Variants in DLG2 observed in about 807,000 individuals in gnomAD.
DLG2 encodes the protein discs large MAGUK scaffold protein 2, also known as disks large homolog 2.
Under a neutral mutation model 132.5 loss-of-function variants are expected in DLG2, and 45 were observed. The observed-to-expected ratio is 0.34, with a 90% CI of 0.27 to 0.44. The LOEUF (loss-of-function observed/expected upper bound fraction) is 0.44, where lower values mean the gene tolerates loss of function less well. Ranked by LOEUF, DLG2 falls within the 20% of genes least tolerant of loss-of-function variation. The probability of loss-of-function intolerance (pLI) is 1.00; values close to 1 mark genes in which losing one functional copy is unlikely to be tolerated. For synonymous variants in DLG2, 424 were observed against 419.6 expected (o/e 1.01, Z -0.13); for missense variants, 1,045 against 1,196.9 (o/e 0.87, Z 1.87).
intron 7 of DLG2, among the ~76,000 whole-genome samples, chr11:84,308,016 C>T (rs893457966): frequency 2.0e-5 from 3 of 152,160 alleles, no homozygotes; most frequent in African/African-American, 7.2e-5. Context: ...AAAGAGTGAG[C>T]AGCAGCAAGA....
At chr11:84,951,380 T>C (rs1318094905) in intron 6 of DLG2, among the ~76,000 whole-genome samples, 1 of 152,146 alleles carries the variant, frequency 6.6e-6, no homozygotes. Context: ...TTTAGGATAA[T>C]AGCAACTACT....
chr11:83,784,912 T>G (rs1371975373), intron 18 of DLG2, among the ~76,000 whole-genome samples: 1 of 152,142 alleles, frequency 6.6e-6, no homozygotes, highest in Non-Finnish European at 1.5e-5. Context: ...CAGGCGATGG[T>G]GAAGGACATA....
chr11:85,410,426 GC>G (rs1431518704), intron 3 of DLG2, among the ~76,000 whole-genome samples: 1 of 151,646 alleles, frequency 6.6e-6, no homozygotes, highest in Non-Finnish European at 1.5e-5. Context: ...AGAAAAAGGT[GC>G]CCCTTTCTCA....
At chr11:84,746,948 A>T (rs981644471) in intron 6 of DLG2, among the ~76,000 whole-genome samples, 3 of 152,150 alleles carry the variant, frequency 2.0e-5, no homozygotes, top group Non-Finnish European at 4.4e-5. Context: ...GATCAAATCC[A>T]ACTTTTCCCA....
chr11:84,371,655 C>T (rs2098707063), intron 7 of DLG2, among the ~76,000 whole-genome samples: 1 of 152,124 alleles, frequency 6.6e-6, no homozygotes, highest in Admixed American at 6.6e-5. Context: ...ACATGGCCTA[C>T]CAAACCTCTT....
In DLG2 at chr11:84,519,457, T is replaced by G. The variant is rs570719640; in HGVS notation, c.519+15113A>C. ...TATTGCTCTTGGCTTGAATAGATGG[T>G]GAAAGCTTATGGCACTAACTAATAA... On this transcript the variant is annotated intron_variant, in intron 7 of 27. Coordinates refer to ENST00000376104, the MANE Select transcript of DLG2 (RefSeq NM_001142699.3). Among the ~76,000 whole-genome samples the G allele has an allele frequency of 1.1e-4, 17 of 152,278 alleles. 1 individual carries two copies. Among genetic ancestry groups the G allele is most frequent in the African/African-American group, 3.8e-4 (16 of 41,568 alleles).
At chr11:83,786,879 C>G in intron 17 of DLG2, 87 bp from the exon 18 acceptor site, 2 of 1,070,190 alleles carry the variant, frequency 1.9e-6, no homozygotes, top group African/African-American at 3.1e-5. Flanking sequence ...ACCAGGCTGT[C>G]TAACATTATA....
intron 19 of DLG2, among the ~76,000 whole-genome samples, chr11:83,603,216 C>T (rs2058829582): frequency 6.6e-6 from 1 of 152,150 alleles, no homozygotes; most frequent in African/African-American, 2.4e-5. Flanking sequence ...AGAATATTAA[C>T]AGTGACTTAG....
intron 3 of DLG2, among the ~76,000 whole-genome samples, chr11:85,385,615 G>T (rs1217675118): frequency 6.6e-6 from 1 of 152,080 alleles, no homozygotes; most frequent in Non-Finnish European, 1.5e-5. Context: ...AAGTATTTTA[G>T]CCTGTTCACA....
intron 3 of DLG2, among the ~76,000 whole-genome samples, chr11:85,565,581 C>T (rs530727357): frequency 6.6e-6 from 1 of 152,200 alleles, no homozygotes; most frequent in African/African-American, 2.4e-5. Flanking sequence ...CTACAGCAGA[C>T]ATTTCAACTG....
At chr11:85,131,231 G>T (rs774026957) in intron 5 of DLG2, among the ~76,000 whole-genome samples, 1 of 151,908 alleles carries the variant, frequency 6.6e-6, no homozygotes, top group Admixed American at 6.6e-5. Flanking sequence ...CTTGGATTTC[G>T]GTATTGATTT....
At chr11:85,021,748 T>C in intron 6 of DLG2, 1 of 630,846 alleles carries the variant, frequency 1.6e-6, no homozygotes, top group Non-Finnish European at 2.8e-6. Context: ...GATTCGATTC[T>C]GAGTCTCCTA....
At chr11:85,077,926 A>G (rs1010502486) in intron 6 of DLG2, among the ~76,000 whole-genome samples, 2 of 148,756 alleles carry the variant, frequency 1.3e-5, no homozygotes, top group Non-Finnish European at 3.0e-5. Flanking sequence ...ATCATTCAAC[A>G]ATCATGTAGA....
At chr11:84,982,592 C>A (rs1046838579) in intron 6 of DLG2, among the ~76,000 whole-genome samples, 3 of 152,084 alleles carry the variant, frequency 2.0e-5, no homozygotes, top group Non-Finnish European at 4.4e-5. Context: ...ACCCCAGTAG[C>A]CTTGTTGTTA....
intron 3 of DLG2, among the ~76,000 whole-genome samples, chr11:85,562,731 C>T (rs2077325323): frequency 6.6e-6 from 1 of 151,908 alleles, no homozygotes; most frequent in Admixed American, 6.6e-5. Flanking sequence ...GACTTCCCAT[C>T]TATTCATTCA....
intron 6 of DLG2, among the ~76,000 whole-genome samples, chr11:84,554,147 C>A (rs2154524765): frequency 6.6e-6 from 1 of 152,286 alleles, no homozygotes. Context: ...ATTTGTAGTT[C>A]TGTGTGTTTT....
chr11:84,710,757 C>T (rs1284968402), intron 6 of DLG2, among the ~76,000 whole-genome samples: 1 of 151,316 alleles, frequency 6.6e-6, no homozygotes, highest in Non-Finnish European at 1.5e-5. Flanking sequence ...AAAGATAATA[C>T]ATGAAACCCC....
At chr11:85,454,633 T>C (rs1381650574) in intron 3 of DLG2, among the ~76,000 whole-genome samples, 1 of 152,192 alleles carries the variant, frequency 6.6e-6, no homozygotes, top group African/African-American at 2.4e-5. Context: ...TGGTATTTCC[T>C]AGGTTTTCTT....
At chr11:85,607,970 A>G (rs977677554) in intron 2 of DLG2, among the ~76,000 whole-genome samples, 6 of 152,184 alleles carry the variant, frequency 3.9e-5, no homozygotes, top group Admixed American at 1.3e-4. Flanking sequence ...AGGTGACTAC[A>G]TTGGATTTTT....
Sources: gnomAD v4.1 joint callset for allele counts (sites outside exome capture counted in the v4.1 genomes callset) on GRCh38, gnomAD v4.1.1 for gene constraint, MANE v1.5 for transcripts, NCBI Gene and HGNC (gene_info 2026-07-23, HGNC 2026-07-21) for gene names.